The following RSRC1 variants were observed in gnomAD, a reference collection of about 807,000 sequenced individuals.
The protein encoded by RSRC1 is arginine and serine rich coiled-coil 1.
RSRC1 carries 39 observed loss-of-function variants against 49.1 expected under a neutral mutation model. That is an observed-to-expected ratio of 0.79 (90% CI 0.61 to 1.04). RSRC1 has a LOEUF of 1.04. RSRC1 is among the 50% of genes least tolerant of loss of function. The pLI, the probability that RSRC1 is intolerant of heterozygous loss-of-function variation, is 0.00. For synonymous variants in RSRC1, 143 were observed against 130.8 expected, an observed-to-expected ratio of 1.09 and a Z score of -0.63; for missense variants, 388 against 402.4, an observed-to-expected ratio of 0.96 and a Z score of 0.31.
intron 3 of RSRC1, among the ~76,000 whole-genome samples, chr3:158,159,635 T>C (rs1409974977): frequency 6.6e-6 from 1 of 152,086 alleles, no homozygotes; most frequent in Non-Finnish European, 1.5e-5. Flanking sequence ...ATTTTGTAGA[T>C]AGAAGGGAGT....
rs145606878 is a variant in RSRC1 at position 158,113,245 on chromosome 3, C to T, written c.-3+3022C>T. ...ACTGCTGATTCCTCAAAGTATCACC[C>T]GTTCTGGACAATGCCTGTGACATCA... is the stretch of plus-strand genomic sequence containing the variant. On this transcript the variant is annotated intron_variant, in intron 1 of 9. Transcript: ENST00000611884. Among the ~76,000 whole-genome samples, 171 of 152,278 alleles carry T rather than the reference C, an allele frequency of 1.1e-3. 2 individuals carry two copies. The South Asian group carries it at 0.03, about 27-fold the overall frequency.
intron 5 of RSRC1, among the ~76,000 whole-genome samples, chr3:158,322,705 C>G (rs144493872): frequency 1.9e-3 from 289 of 152,272 alleles, no homozygotes; most frequent in African/African-American, 6.3e-3. Flanking sequence ...CTCACTTCCT[C>G]TCTCTTTTCT....
At chr3:158,269,709 C>A (rs896821948) in intron 4 of RSRC1, among the ~76,000 whole-genome samples, 1 of 152,118 alleles carries the variant, frequency 6.6e-6, no homozygotes, top group Non-Finnish European at 1.5e-5. Flanking sequence ...GACAGGGTTT[C>A]ACCATGTTGG....
At chr3:158,146,592 T>G (rs1393753882) in intron 3 of RSRC1, among the ~76,000 whole-genome samples, 1 of 152,162 alleles carries the variant, frequency 6.6e-6, no homozygotes, top group Non-Finnish European at 1.5e-5. Flanking sequence ...AAAATTCTCT[T>G]TTTTTGTTGT....
intron 5 of RSRC1, among the ~76,000 whole-genome samples, chr3:158,353,995 CTTTTTTTTTTTTTTTT>C (rs1230649090): frequency 1.0e-5 from 1 of 96,302 alleles, no homozygotes; most frequent in Non-Finnish European, 1.9e-5. Flanking sequence ...GTTTCTTTTT[CTTTTTTTTTTTTTTTT>C]TTTTTGAGAC....
intron 7 of RSRC1, among the ~76,000 whole-genome samples, chr3:158,494,859 C>T (rs1739245868): frequency 6.6e-6 from 1 of 152,118 alleles, no homozygotes; most frequent in African/African-American, 2.4e-5. Context: ...ATGGAGCTGT[C>T]GTCTCTTATG....
At chr3:158,499,620 G>C (rs187321930) in intron 7 of RSRC1, among the ~76,000 whole-genome samples, 1 of 152,098 alleles carries the variant, frequency 6.6e-6, no homozygotes, top group Non-Finnish European at 1.5e-5. Context: ...ATATTCCTAA[G>C]TATTTTATTT....
intron 5 of RSRC1, among the ~76,000 whole-genome samples, chr3:158,334,035 T>C (rs1338660082): frequency 6.6e-6 from 1 of 152,206 alleles, no homozygotes; most frequent in African/African-American, 2.4e-5. Flanking sequence ...TTGTTTAAAA[T>C]AACGTGTTTT....
At chr3:158,317,920 T>A (rs1247672529) in intron 5 of RSRC1, among the ~76,000 whole-genome samples, 2 of 152,154 alleles carry the variant, frequency 1.3e-5, no homozygotes, top group Non-Finnish European at 2.9e-5. Flanking sequence ...TAGAGCAAAC[T>A]TGTCCAGCTC....
chr3:158,299,386 T>G (rs1727409420), intron 5 of RSRC1, among the ~76,000 whole-genome samples: 1 of 152,056 alleles, frequency 6.6e-6, no homozygotes, highest in Admixed American at 6.6e-5. Context: ...CAGATTAGTG[T>G]GCAGTGGTGC....
At chr3:158,497,922 G>GTGTA (rs1553816174) in intron 7 of RSRC1, among the ~76,000 whole-genome samples, 2 of 152,096 alleles carry the variant, frequency 1.3e-5, no homozygotes, top group African/African-American at 4.8e-5. Context: ...CATCGTGTGT[G>GTGTA]TATATATATA....
At chr3:158,481,510 G>T (rs1738615316) in intron 7 of RSRC1, among the ~76,000 whole-genome samples, 1 of 152,066 alleles carries the variant, frequency 6.6e-6, no homozygotes, top group South Asian at 2.1e-4. Context: ...TTGGAATTCA[G>T]TTTGGTCAAC....
chr3:158,363,875 A>G (rs1281392638), intron 6 of RSRC1, among the ~76,000 whole-genome samples: 7 of 152,184 alleles, frequency 4.6e-5, no homozygotes, highest in Non-Finnish European at 8.8e-5. Context: ...TCTAACACCT[A>G]GCTATGGAAG....
At chr3:158,189,708 G>A (rs1386039547) in intron 3 of RSRC1, among the ~76,000 whole-genome samples, 5 of 151,818 alleles carry the variant, frequency 3.3e-5, no homozygotes, top group South Asian at 2.1e-4. Flanking sequence ...TCTTTCAATT[G>A]TATTATTTAG....
intron 5 of RSRC1, among the ~76,000 whole-genome samples, chr3:158,316,277 G>C (rs1403405935): frequency 6.6e-6 from 1 of 152,026 alleles, no homozygotes; most frequent in Admixed American, 6.6e-5. Flanking sequence ...GTTGGCGTAT[G>C]CAAAGACCAG....
At chr3:158,130,334 G>A (rs947718173) in intron 3 of RSRC1, among the ~76,000 whole-genome samples, 1 of 152,124 alleles carries the variant, frequency 6.6e-6, no homozygotes, top group Admixed American at 6.5e-5. Context: ...CAAACATTCA[G>A]TCTATAGCAT....
intron 3 of RSRC1, among the ~76,000 whole-genome samples, chr3:158,180,931 A>G (rs1019740114): frequency 2.7e-5 from 4 of 150,018 alleles, no homozygotes; most frequent in African/African-American, 9.8e-5. Context: ...TAGTCTCCCG[A>G]GTAGCTGGGA....
chr3:158,241,635 T>C (rs1723586528), intron 4 of RSRC1, among the ~76,000 whole-genome samples: 1 of 152,120 alleles, frequency 6.6e-6, no homozygotes, highest in South Asian at 2.1e-4. Flanking sequence ...GCAAAGCAGT[T>C]ATGTAAACTA....
intron 4 of RSRC1, among the ~76,000 whole-genome samples, chr3:158,258,072 T>C (rs1478293617): frequency 1.3e-5 from 2 of 152,130 alleles, no homozygotes; most frequent in African/African-American, 4.8e-5. Context: ...TATGAGTAGT[T>C]TACACACCAC....
Sources: gnomAD v4.1 joint callset for allele counts (sites outside exome capture counted in the v4.1 genomes callset) on GRCh38, gnomAD v4.1.1 for gene constraint, MANE v1.5 for transcripts, NCBI Gene and HGNC (gene_info 2026-07-23, HGNC 2026-07-21) for gene names.